Variants in PPFIA2 observed in about 807,000 individuals in gnomAD.
The protein encoded by PPFIA2 is liprin-alpha-2.
In PPFIA2, 46 loss-of-function variants were observed where a neutral mutation model predicts 175.5. The observed-to-expected ratio is 0.26, with a 90% CI of 0.21 to 0.34. The LOEUF (loss-of-function observed/expected upper bound fraction) is 0.34. PPFIA2 is among the 10% of genes least tolerant of loss of function. PPFIA2 has a pLI of 1.00. For synonymous variants in PPFIA2, 568 were observed against 511.4 expected (o/e 1.11, Z -1.49); for missense variants, 1,179 against 1,506.1 (o/e 0.78, Z 3.60).
intron 8 of PPFIA2, among the ~76,000 whole-genome samples, chr12:81,399,155 T>C (rs1458725245): frequency 1.3e-5 from 2 of 151,912 alleles, no homozygotes; most frequent in Admixed American, 6.6e-5. Flanking sequence ...AAGAACTTAT[T>C]CTTGTGTACA....
Position 81,281,109 on chromosome 12 carries a change from C to T in PPFIA2, c.3212+148G>A, listed in dbSNP as rs2042000310. 5 of 611,214 alleles carry T rather than the reference C, an allele frequency of 8.2e-6. No individual in the cohort carries two copies. In the Admixed American group the frequency reaches 1.5e-4, roughly 18 times the overall value. 37.9% of individuals were successfully genotyped at this position (611,214 alleles called of 1,614,324 possible). On this transcript the variant is annotated intron_variant, in intron 27 of 32. Transcript: ENST00000549396. Reference sequence around the variant, plus strand: ...GTCCCTGCAATTTGCTGGATGAAAACATTTTTCCAAGTAGATGTATACAAA... The same window carrying T: ...GTCCCTGCAATTTGCTGGATGAAAATATTTTTCCAAGTAGATGTATACAAA...
At chr12:81,277,837 A>C (rs910290956) in intron 27 of PPFIA2, among the ~76,000 whole-genome samples, 2 of 152,216 alleles carry the variant, frequency 1.3e-5, no homozygotes, top group Non-Finnish European at 2.9e-5. Context: ...ATAACACAAA[A>C]CATAAGTAAG....
intron 9 of PPFIA2, among the ~76,000 whole-genome samples, chr12:81,376,799 G>T (rs921175929): frequency 6.6e-6 from 1 of 152,076 alleles, no homozygotes; most frequent in Non-Finnish European, 1.5e-5. Context: ...AAGGATCCTG[G>T]AATTGAGGAA....
intron 3 of PPFIA2, among the ~76,000 whole-genome samples, chr12:81,708,680 G>T (rs1385609554): frequency 2.0e-5 from 3 of 152,056 alleles, no homozygotes; most frequent in African/African-American, 7.2e-5. Flanking sequence ...CAAATGATTA[G>T]GAATAACACA....
intron 4 of PPFIA2, among the ~76,000 whole-genome samples, chr12:81,560,905 T>A (rs1269659032): frequency 3.3e-5 from 5 of 152,152 alleles, no homozygotes; most frequent in Admixed American, 1.3e-4. Flanking sequence ...CTATTGAAAC[T>A]TCTGATCAGG....
At position 81,754,116 on chromosome 12, in the gene PPFIA2, C is replaced by T; in HGVS notation, c.106G>A (p.Val36Met). 6.2e-7 allele frequency: 1 copy of T among 1,613,820 alleles called. No homozygotes were observed. The highest frequency in any genetic ancestry group is 8.5e-7 in the Non-Finnish European group (1 of 1,179,838). The stretch of plus-strand genomic sequence containing the variant: ...CGATCCCTTTCATCTAGCATATTCA[C>T]CATCAGCTGCTCAAAATGGGAGTCT... ...DSDSHFEQLM[V>M]NMLDERDRLL... Residue 36 changes from valine (V) to methionine (M), a missense_variant, in exon 3 of 33, where the codon GTG becomes ATG. Val to Met is a conservative substitution (Grantham distance 21, BLOSUM62 1). Transcript: ENST00000549396.
intron 3 of PPFIA2, among the ~76,000 whole-genome samples, chr12:81,753,159 T>C (rs1442679941): frequency 6.6e-6 from 1 of 152,140 alleles, no homozygotes; most frequent in Non-Finnish European, 1.5e-5. Flanking sequence ...GGTCTCGAAC[T>C]CCTGAGCTCA....
intron 4 of PPFIA2, among the ~76,000 whole-genome samples, chr12:81,466,612 C>T (rs2055676404): frequency 6.6e-6 from 1 of 151,934 alleles, no homozygotes; most frequent in Admixed American, 6.6e-5. Flanking sequence ...GAGAGCTGCC[C>T]CAGGTATTAG....
chr12:81,419,753 A>T (rs1265173345), intron 7 of PPFIA2, among the ~76,000 whole-genome samples: 2 of 152,168 alleles, frequency 1.3e-5, no homozygotes, highest in East Asian at 3.9e-4. Flanking sequence ...TGACTTCTGG[A>T]TATAAATTAG....
intron 4 of PPFIA2, among the ~76,000 whole-genome samples, chr12:81,662,951 C>T (rs1156748699): frequency 6.6e-6 from 1 of 152,188 alleles, no homozygotes; most frequent in Admixed American, 6.5e-5. Context: ...ACAACAAAAA[C>T]CACATGATTA....
intron 27 of PPFIA2, among the ~76,000 whole-genome samples, chr12:81,280,021 T>TAAATGTATTAAATGTATTAA (rs2041686338): frequency 6.6e-6 from 1 of 152,226 alleles, no homozygotes; most frequent in Non-Finnish European, 1.5e-5. Flanking sequence ...TTTAAAGTCT[T>TAAATGTATTAAATGTATTAA]CCTTCATCCA....
At chr12:81,649,942 T>C (rs1196438914) in intron 4 of PPFIA2, among the ~76,000 whole-genome samples, 1 of 152,166 alleles carries the variant, frequency 6.6e-6, no homozygotes, top group Non-Finnish European at 1.5e-5. Context: ...ATGTTCCATA[T>C]ATTGATTGTC....
chr12:81,715,875 C>A (rs552552307), intron 3 of PPFIA2, among the ~76,000 whole-genome samples: 1 of 151,488 alleles, frequency 6.6e-6, no homozygotes, highest in African/African-American at 2.4e-5. Context: ...ATTGTGAACA[C>A]AATTATAGTT....
intron 4 of PPFIA2, among the ~76,000 whole-genome samples, chr12:81,674,662 G>A (rs149682011): frequency 5.8e-4 from 88 of 151,880 alleles, no homozygotes; most frequent in African/African-American, 8.7e-4. Context: ...ACAAGACTCC[G>A]TCTCAAAAAA....
intron 8 of PPFIA2, among the ~76,000 whole-genome samples, chr12:81,401,940 AT>A (rs1173133420): frequency 6.6e-6 from 1 of 152,104 alleles, no homozygotes; most frequent in Admixed American, 6.6e-5. Context: ...AGTTAAGTGT[AT>A]TTTTTCTTTT....
At position 81,525,971 on chromosome 12, in the gene PPFIA2, T is replaced by TA. The variant is rs5799532; in HGVS notation, c.304-68106dup. On this transcript the variant is annotated intron_variant, in intron 4 of 32. Coordinates refer to ENST00000549396, the MANE Select transcript of PPFIA2 (RefSeq NM_003625.5). ...TAGTCTAAGTAATCTAGTCATTGGTTAAAAAAAAATATAAAATTAGAAAAT... is the reference window on the plus strand; with the variant it reads ...TAGTCTAAGTAATCTAGTCATTGGTTAAAAAAAAAATATAAAATTAGAAAAT... Among the ~76,000 whole-genome samples, 1,034 of 151,404 alleles carry TA rather than the reference T, an allele frequency of 6.8e-3. 26 individuals are homozygous for TA. The highest frequency in any genetic ancestry group is 0.068 in the East Asian group (351 of 5,162).
intron 32 of PPFIA2, chr12:81,261,013 A>G (rs1346649252): frequency 6.6e-6 from 1 of 150,682 alleles, no homozygotes; most frequent in Non-Finnish European, 1.5e-5. Flanking sequence ...GCTTTCATTA[A>G]TTGGTATTTC....
intron 15 of PPFIA2, among the ~76,000 whole-genome samples, chr12:81,360,897 C>T (rs1333405364): frequency 4.0e-5 from 6 of 151,480 alleles, no homozygotes; most frequent in Non-Finnish European, 7.4e-5. Flanking sequence ...CAAACCAAGC[C>T]TGTGATATAA....
intron 7 of PPFIA2, among the ~76,000 whole-genome samples, chr12:81,406,480 T>A (rs1181160192): frequency 6.6e-6 from 1 of 152,110 alleles, no homozygotes; most frequent in Non-Finnish European, 1.5e-5. Context: ...TTTTACCAAA[T>A]TTAGTTAATT....
Sources: gnomAD v4.1 joint callset for allele counts (sites outside exome capture counted in the v4.1 genomes callset) on GRCh38, gnomAD v4.1.1 for gene constraint, MANE v1.5 for transcripts, NCBI Gene and HGNC (gene_info 2026-07-23, HGNC 2026-07-21) for gene names.